GRB10: variants seen among roughly 807,000 people sequenced by gnomAD.
GRB10 encodes the protein growth factor receptor bound protein 10.
Under a neutral mutation model 80.9 loss-of-function variants are expected in GRB10, and 20 were observed. The ratio of observed to expected loss-of-function variants is 0.25; its 90% confidence interval spans 0.17 to 0.36. The LOEUF (loss-of-function observed/expected upper bound fraction) is 0.36. GRB10 is among the 10% of genes least tolerant of loss of function. GRB10 has a pLI of 1.00. For missense variants in GRB10, 548 were observed against 747.7 expected (o/e 0.73, Z 3.12); for synonymous variants, 291 against 291.5 (o/e 1.00, Z 0.02).
chr7:50,607,911 G>T (rs1002223933), intron 13 of GRB10, among the ~76,000 whole-genome samples: 1 of 152,220 alleles, frequency 6.6e-6, no homozygotes, highest in African/African-American at 2.4e-5. Context: ...AAGTCATCAA[G>T]TGGGACAGCT....
intron 8 of GRB10, among the ~76,000 whole-genome samples, chr7:50,625,676 C>T (rs1040672476): frequency 1.6e-4 from 25 of 152,236 alleles, no homozygotes; most frequent in Admixed American, 1.6e-3. Flanking sequence ...TGTCGTCACA[C>T]AAATGCGTTT....
intron 13 of GRB10, among the ~76,000 whole-genome samples, chr7:50,608,469 T>C (rs1208161544): frequency 6.6e-6 from 1 of 152,150 alleles, no homozygotes; most frequent in Non-Finnish European, 1.5e-5. Flanking sequence ...GAGAGAAGAA[T>C]GCAAATTTAG....
At chr7:50,732,111 C>A (rs2069866500) in intron 4 of GRB10, among the ~76,000 whole-genome samples, 161 bp downstream of exon 4, 1 of 152,234 alleles carries the variant, frequency 6.6e-6, no homozygotes, top group Non-Finnish European at 1.5e-5. Context: ...GCAGAAAGGG[C>A]AGTGGGCCTC....
chr7:50,671,891 C>A (rs2244347), intron 6 of GRB10, among the ~76,000 whole-genome samples: 2 of 152,098 alleles, frequency 1.3e-5, no homozygotes, highest in African/African-American at 4.8e-5. Flanking sequence ...AAATCCCCAC[C>A]AAAGAGGCTC....
chr7:50,709,586 C>T (rs577828781), intron 4 of GRB10, among the ~76,000 whole-genome samples: 61 of 151,624 alleles, frequency 4.0e-4, no homozygotes, highest in Non-Finnish European at 8.0e-4. Context: ...CCCCACCCCG[C>T]GCCCTCCGGA....
intron 5 of GRB10, among the ~76,000 whole-genome samples, chr7:50,699,778 T>C (rs77556366): frequency 3.6e-4 from 54 of 152,054 alleles, no homozygotes; most frequent in Admixed American, 5.9e-4. Context: ...GGAGATCTCG[T>C]CCTCTGTGTA....
intron 3 of GRB10, among the ~76,000 whole-genome samples, chr7:50,740,292 C>T (rs2153696129): frequency 6.6e-6 from 1 of 152,286 alleles, no homozygotes; most frequent in African/African-American, 2.4e-5. Context: ...TGGCAACAAC[C>T]ACTTCCTGAC....
intron 2 of GRB10, among the ~76,000 whole-genome samples, chr7:50,775,074 T>C (rs544911360): frequency 1.3e-4 from 18 of 142,698 alleles, no homozygotes; most frequent in Middle Eastern, 4.3e-3. Flanking sequence ...AGTGGGAAGA[T>C]AGCTTGAGCC....
At chr7:50,639,272 A>G (rs1301941254) in intron 7 of GRB10, among the ~76,000 whole-genome samples, 1 of 152,242 alleles carries the variant, frequency 6.6e-6, no homozygotes, top group African/African-American at 2.4e-5. Flanking sequence ...ATTCTGCTTT[A>G]TAATTGATAG....
At position 50,619,248 on chromosome 7, in the gene GRB10, C is replaced by A; in HGVS notation, c.699G>T (p.Val233=). Residue 233 remains valine, a synonymous_variant, in exon 9 of 19, where the codon GTG becomes GTT. Transcript: ENST00000401949. ...TACTCTCACTGGCCATGGTACTCTC[C>A]ACCTGGACCACCAGCTCATGGTCTT... ...CLEDHELVVQ[V]ESTMASESKF... is the part of the protein sequence containing the mutation. 6.2e-7 allele frequency: 1 copy of A among 1,613,244 alleles called. No individual in the cohort carries two copies. Among genetic ancestry groups the A allele is most frequent in the Non-Finnish European group, 8.5e-7 (1 of 1,179,600 alleles).
intron 11 of GRB10, 55 bp from the exon 12 acceptor site, chr7:50,614,935 T>TACCAGAGGTGAA: frequency 8.9e-7 from 1 of 1,119,680 alleles, no homozygotes; most frequent in Non-Finnish European, 1.4e-6. Flanking sequence ...GCAAATGTGT[T>TACCAGAGGTGAA]CACCTCTGGT....
intron 7 of GRB10, among the ~76,000 whole-genome samples, chr7:50,657,007 A>G (rs1466156925): frequency 6.6e-6 from 1 of 152,212 alleles, no homozygotes; most frequent in African/African-American, 2.4e-5. Context: ...CGACAATGCA[A>G]ATTATCTGGT....
intron 2 of GRB10, among the ~76,000 whole-genome samples, chr7:50,775,849 G>C (rs868033003): frequency 6.6e-6 from 1 of 152,194 alleles, no homozygotes; most frequent in Admixed American, 6.5e-5. Flanking sequence ...GGAACTAGCT[G>C]CACTTGAGCC....
chr7:50,640,232 T>C (rs1330780039), intron 7 of GRB10, among the ~76,000 whole-genome samples: 1 of 152,240 alleles, frequency 6.6e-6, no homozygotes, highest in Non-Finnish European at 1.5e-5. Context: ...GACTCCTTGT[T>C]GGGTATGGTT....
chr7:50,611,818 T>A (rs2049585586), intron 13 of GRB10, among the ~76,000 whole-genome samples: 1 of 151,902 alleles, frequency 6.6e-6, no homozygotes, highest in South Asian at 2.1e-4. Flanking sequence ...AGGCTGGGAG[T>A]TTTTGTAAAG....
intron 4 of GRB10, among the ~76,000 whole-genome samples, chr7:50,728,476 C>G (rs1434994360): frequency 6.6e-6 from 1 of 152,022 alleles, no homozygotes; most frequent in African/African-American, 2.4e-5. Flanking sequence ...TGTTTCTAAC[C>G]CAGAAAATGG....
At chr7:50,672,941 T>C (rs1250815732) in intron 6 of GRB10, among the ~76,000 whole-genome samples, 1 of 152,058 alleles carries the variant, frequency 6.6e-6, no homozygotes, top group African/African-American at 2.4e-5. Context: ...TCAATGAATA[T>C]GACAAAAAGT....
chr7:50,705,335 A>G (rs2153669655), intron 4 of GRB10: 3 of 982,658 alleles, frequency 3.1e-6, no homozygotes, highest in East Asian at 1.1e-4. Context: ...TGGAGAAAAC[A>G]AAATAAAACG....
In GRB10 at chr7:50,669,779, C is replaced by A. The variant is rs759112285; in HGVS notation, c.447G>T (p.Gly149=). The part of the protein sequence containing the change: ...PNPFPELCGP[G]SPPVLTPGSL... ...AACCCGGCGTGAGCACAGGGGGGCTCCCAGGGCCACAGAGTTCAGGAAAAG... is the reference window on the plus strand; with the variant it reads ...AACCCGGCGTGAGCACAGGGGGGCTACCAGGGCCACAGAGTTCAGGAAAAG... The change falls in exon 7 of 19, where the codon GGG becomes GGT. Residue 149 remains glycine (G), a synonymous_variant. Transcript: ENST00000401949. 6.2e-7 allele frequency: 1 copy of A among 1,613,990 alleles called. No homozygotes were observed. The highest frequency in any genetic ancestry group is 1.1e-5 in the South Asian group (1 of 91,064).
Sources: gnomAD v4.1 joint callset for allele counts (sites outside exome capture counted in the v4.1 genomes callset) on GRCh38, gnomAD v4.1.1 for gene constraint, MANE v1.5 for transcripts, NCBI Gene and HGNC (gene_info 2026-07-23, HGNC 2026-07-21) for gene names.